Variants in CCDC33 observed in about 807,000 individuals in gnomAD.
CCDC33 encodes coiled-coil domain containing 33.
Under a neutral mutation model 91.9 loss-of-function variants are expected in CCDC33, and 94 were observed. The ratio of observed to expected loss-of-function variants is 1.02; its 90% CI spans 0.87 to 1.21. CCDC33 has a LOEUF of 1.21. CCDC33 is among the 50% of genes most tolerant of loss of function. CCDC33 has a pLI of 0.00. For missense variants in CCDC33, 940 were observed against 935.5 expected (o/e 1.00, Z -0.06); for synonymous variants, 396 against 374.5 (o/e 1.06, Z -0.66).
chr15:74,283,794 T>TCACACACAGA (rs2059418068), intron 10 of CCDC33, among the ~76,000 whole-genome samples: 1 of 146,220 alleles, frequency 6.8e-6, no homozygotes, highest in African/African-American at 2.5e-5. Context: ...AGCCAAGAAT[T>TCACACACAGA]CACACACACA....
intron 2 of CCDC33, among the ~76,000 whole-genome samples, chr15:74,247,570 C>T (rs2075578224): frequency 6.6e-6 from 1 of 152,090 alleles, no homozygotes; most frequent in African/African-American, 2.4e-5. Flanking sequence ...GGACGTTATG[C>T]TAGATGAAAT....
At chr15:74,270,621 G>C (rs535943210) in intron 5 of CCDC33, among the ~76,000 whole-genome samples, 7 of 152,152 alleles carry the variant, frequency 4.6e-5, no homozygotes, top group Non-Finnish European at 1.0e-4. Context: ...AATGAGAGCC[G>C]AGTGGGAGGT....
At chr15:74,233,153 A>G (rs934250193), upstream of CCDC33, among the ~76,000 whole-genome samples, 3 of 152,212 alleles carry the variant, frequency 2.0e-5, no homozygotes, top group African/African-American at 7.2e-5. Context: ...ACGTGTGTGC[A>G]GTCCTCCTGG....
At chr15:74,214,391 T>C (rs910725594), upstream of CCDC33, among the ~76,000 whole-genome samples, 3 of 151,970 alleles carry the variant, frequency 2.0e-5, no homozygotes, top group Admixed American at 6.6e-5. Context: ...CCTTACCCCT[T>C]CTTGAACCCC....
chr15:74,229,173 C>G (rs1466035451), intron 2 of CCDC33, among the ~76,000 whole-genome samples: 1 of 152,202 alleles, frequency 6.6e-6, no homozygotes, highest in African/African-American at 2.4e-5. Flanking sequence ...AAGTCTGAAG[C>G]TTGCCTCCAT....
chr15:74,318,572 G>C, intron 11 of CCDC33: 1 of 721,446 alleles, frequency 1.4e-6, no homozygotes, highest in South Asian at 1.5e-5. Flanking sequence ...CTGGGGAACA[G>C]GACTGCTAGC....
intron 4 of CCDC33, among the ~76,000 whole-genome samples, chr15:74,267,807 G>T (rs899772345): frequency 6.6e-6 from 1 of 152,166 alleles, no homozygotes; most frequent in Non-Finnish European, 1.5e-5. Context: ...CAAGGTTCCT[G>T]GCATACAGTA....
rs375607571 is a variant in CCDC33, at chr15:74,217,582, G to A, written c.310+1G>A. On this transcript the variant is annotated splice_donor_variant, in intron 1 of 2. Transcript: ENST00000635913. LOFTEE classifies it high-confidence loss of function. The stretch of plus-strand genomic sequence containing the variant: ...AAGTTTATCTTTACTTTGCCCAAAG[G>A]TATGAAGTAGGGGTGGGGTTTGGGG... The A allele has an allele frequency of 8.1e-7, 1 of 1,228,764 alleles. No homozygotes were observed. 76.1% of individuals were successfully genotyped at this position (1,228,764 alleles called of 1,614,324 possible).
intron 11 of CCDC33, chr15:74,311,769 A>G (rs1162915302): frequency 1.3e-5 from 2 of 152,210 alleles, no homozygotes; most frequent in African/African-American, 2.4e-5. Context: ...GTCACTAATA[A>G]AGAAGCAGCA....
At chr15:74,230,704 A>G (rs1358941492) in intron 2 of CCDC33, among the ~76,000 whole-genome samples, 4 of 152,192 alleles carry the variant, frequency 2.6e-5, no homozygotes, top group Admixed American at 1.3e-4. Flanking sequence ...CTTGGCATAC[A>G]TTGGTGTAAG....
At chr15:74,336,416 G>C (rs772092563), downstream of CCDC33, 1 of 1,306,506 alleles carries the variant, frequency 7.7e-7, no homozygotes, top group African/African-American at 1.5e-5. Flanking sequence ...TACGAGGGAG[G>C]CTTGTCCTTT....
chr15:74,246,151 A>G (rs1823379640), intron 2 of CCDC33, among the ~76,000 whole-genome samples: 1 of 152,256 alleles, frequency 6.6e-6, no homozygotes. Context: ...TTCATGATGA[A>G]TATTTCAATG....
At chr15:74,270,462 T>G (rs1380132640) in intron 5 of CCDC33, among the ~76,000 whole-genome samples, 1 of 151,984 alleles carries the variant, frequency 6.6e-6, no homozygotes, top group Non-Finnish European at 1.5e-5. Flanking sequence ...TTGTGGGGTG[T>G]CGGGCAGGGA....
At chr15:74,231,852 T>C (rs192382988), upstream of CCDC33, among the ~76,000 whole-genome samples, 611 of 152,156 alleles carry the variant, frequency 4.0e-3, 4 homozygotes, top group African/African-American at 0.012. Flanking sequence ...TTGTCTCTAC[T>C]GAAAATACAA....
chr15:74,216,858 C>T (rs184275424), upstream of CCDC33, among the ~76,000 whole-genome samples: 9 of 151,628 alleles, frequency 5.9e-5, no homozygotes, highest in East Asian at 1.8e-3. Context: ...CTAATTTTTT[C>T]CATAGAACTT....
chr15:74,270,289 G>A (rs1463384518), intron 5 of CCDC33, among the ~76,000 whole-genome samples: 3 of 152,138 alleles, frequency 2.0e-5, no homozygotes, highest in South Asian at 2.1e-4. Flanking sequence ...CTGGGCCCTC[G>A]CCAGCCACAA....
At chr15:74,219,682 G>C (rs148089313) in intron 2 of CCDC33, among the ~76,000 whole-genome samples, 144 of 152,218 alleles carry the variant, frequency 9.5e-4, no homozygotes, top group African/African-American at 3.1e-3. Context: ...GTTTATTTGA[G>C]GTGAATCTTC....
At chr15:74,208,032 C>T in intron 1 of CCDC33, 2 of 1,361,356 alleles carry the variant, frequency 1.5e-6, no homozygotes, top group Non-Finnish European at 1.9e-6. Context: ...ATGCCCCCCT[C>T]ACCAACAGCA....
chr15:74,243,955 A>G (rs1444639463), intron 1 of CCDC33, 30 bp from the exon 2 acceptor site: 1 of 1,564,440 alleles, frequency 6.4e-7, no homozygotes, highest in East Asian at 2.2e-5. Flanking sequence ...AAAAAAAAAA[A>G]AAAACACTCA....
Sources: gnomAD v4.1 joint callset for allele counts (sites outside exome capture counted in the v4.1 genomes callset) on GRCh38, gnomAD v4.1.1 for gene constraint, MANE v1.5 for transcripts, NCBI Gene and HGNC (gene_info 2026-07-23, HGNC 2026-07-21) for gene names.